The following CRTAC1 variants were observed in gnomAD, a reference collection of about 807,000 sequenced individuals.
CRTAC1 encodes acidic secreted protein in cartilage.
CRTAC1 carries 37 observed loss-of-function variants against 67.8 expected under a neutral mutation model. That is an observed-to-expected ratio of 0.55 (90% CI 0.42 to 0.72). CRTAC1 has a LOEUF of 0.72. Among genes scored for constraint, CRTAC1 ranks in the 30% least tolerant of loss-of-function variants. CRTAC1 has a pLI of 0.00. For missense variants in CRTAC1, 780 were observed against 931.6 expected (o/e 0.84, Z 2.12); for synonymous variants, 348 against 371.0 (o/e 0.94, Z 0.71).
chr10:97,934,486 G>GACCCTC (rs60934899), intron 3 of CRTAC1, among the ~76,000 whole-genome samples: 1 of 152,068 alleles, frequency 6.6e-6, no homozygotes, highest in African/African-American at 2.4e-5. Flanking sequence ...CCCTGCCCCT[G>GACCCTC]GCATAAGCCC....
chr10:97,960,485 G>A (rs995373933), intron 2 of CRTAC1, among the ~76,000 whole-genome samples: 2 of 152,160 alleles, frequency 1.3e-5, no homozygotes, highest in Non-Finnish European at 2.9e-5. Flanking sequence ...GTACACACAC[G>A]TGTGTATCTA....
intron 13 of CRTAC1, among the ~76,000 whole-genome samples, chr10:97,880,658 C>T (rs992342762): frequency 3.9e-5 from 6 of 152,126 alleles, no homozygotes; most frequent in East Asian, 1.9e-4. Context: ...TGGATGATTC[C>T]GAAAGTTCTA....
At chr10:97,959,077 C>A (rs963552875) in intron 2 of CRTAC1, among the ~76,000 whole-genome samples, 1 of 152,086 alleles carries the variant, frequency 6.6e-6, no homozygotes, top group Non-Finnish European at 1.5e-5. Context: ...CCAGCCTTTG[C>A]AGTTAGACCT....
At position 97,965,023 on chromosome 10, in the gene CRTAC1, C is replaced by T. The variant is rs7084682; in HGVS notation, c.225-28657G>A. Among the ~76,000 whole-genome samples the T allele has an allele frequency of 8.5e-3, 1,287 of 152,238 alleles. 18 individuals carry two copies. The highest frequency in any genetic ancestry group is 0.029 in the African/African-American group (1,186 of 41,548). Reference sequence around the variant, plus strand: ...TCTCTCTCTCCTTCTATTCAACATGCGCACAGATGAATTGGAAGGTGACGC... The same window carrying T: ...TCTCTCTCTCCTTCTATTCAACATGTGCACAGATGAATTGGAAGGTGACGC... On this transcript the variant is annotated intron_variant, in intron 2 of 14. Transcript: ENST00000370597.
chr10:97,890,697 C>T (rs1345641231), intron 11 of CRTAC1, among the ~76,000 whole-genome samples: 5 of 143,382 alleles, frequency 3.5e-5, no homozygotes, highest in South Asian at 2.2e-4. Context: ...GACGGAGTTT[C>T]GCTTTTGTTG....
chr10:97,929,553 T>G (rs1208992987), intron 3 of CRTAC1, among the ~76,000 whole-genome samples: 2 of 152,122 alleles, frequency 1.3e-5, no homozygotes, highest in Non-Finnish European at 2.9e-5. Flanking sequence ...GCCTCCAACC[T>G]CATTCATCAG....
intron 14 of CRTAC1, among the ~76,000 whole-genome samples, chr10:97,879,324 C>G (rs950493348): frequency 6.6e-6 from 1 of 152,140 alleles, no homozygotes. Flanking sequence ...TCGGATCAAC[C>G]GGCAAGCAAC....
At chr10:97,971,837 A>C (rs1197826844) in intron 2 of CRTAC1, among the ~76,000 whole-genome samples, 1 of 152,152 alleles carries the variant, frequency 6.6e-6, no homozygotes, top group East Asian at 1.9e-4. Context: ...TGAGGTGTAC[A>C]TTTATCTGTT....
chr10:97,904,663 T>G lies in CRTAC1; in HGVS notation c.996+6A>C. On this transcript the variant is annotated splice_donor_region_variant and intron_variant, in intron 7 of 14. Coordinates refer to ENST00000370597, the MANE Select transcript of CRTAC1 (RefSeq NM_018058.7). ...CTTGAACTCCTGGGGTGAGGCCCCT[T>G]CTTACCCGGAAGCGGACCTTCCCAT... is the stretch of plus-strand genomic sequence containing the variant. 1 of 1,532,542 alleles carries G rather than the reference T, an allele frequency of 6.5e-7. No individual in the cohort carries two copies. The highest frequency in any genetic ancestry group is 1.4e-5 in the African/African-American group (1 of 71,224). The allele number at this position is 1,532,542 out of a possible 1,614,324, so 94.9% of individuals were successfully genotyped here.
chr10:97,906,298 T>C (rs2050611208), intron 6 of CRTAC1, among the ~76,000 whole-genome samples: 2 of 152,212 alleles, frequency 1.3e-5, no homozygotes, highest in African/African-American at 4.8e-5. Context: ...CAAATGTCGG[T>C]GGCCTTCTGC....
intron 2 of CRTAC1, among the ~76,000 whole-genome samples, chr10:98,000,373 C>T (rs1294312349): frequency 2.6e-5 from 4 of 152,216 alleles, no homozygotes; most frequent in Non-Finnish European, 5.9e-5. Flanking sequence ...CCACGTTCCC[C>T]AGTGCCAGAC....
At chr10:98,005,985 C>T (rs1039973684) in intron 2 of CRTAC1, among the ~76,000 whole-genome samples, 6 of 152,186 alleles carry the variant, frequency 3.9e-5, no homozygotes, top group South Asian at 2.1e-4. Context: ...GAATGTGTTA[C>T]GGTTTTATCA....
chr10:97,955,888 G>A (rs1295948025), intron 2 of CRTAC1, among the ~76,000 whole-genome samples: 1 of 152,214 alleles, frequency 6.6e-6, no homozygotes, highest in Admixed American at 6.5e-5. Flanking sequence ...AACTTGCAAA[G>A]GTTGAACACC....
chr10:97,996,533 GAT>G (rs1246651738), intron 2 of CRTAC1, among the ~76,000 whole-genome samples: 1 of 152,102 alleles, frequency 6.6e-6, no homozygotes, highest in Non-Finnish European at 1.5e-5. Flanking sequence ...ACCACAATGA[GAT>G]ACCATCTCAC....
At chr10:97,881,517 T>C (rs1397737691) in intron 13 of CRTAC1, among the ~76,000 whole-genome samples, 5 of 152,222 alleles carry the variant, frequency 3.3e-5, no homozygotes, top group Non-Finnish European at 7.3e-5. Flanking sequence ...GATGCCCCTC[T>C]TGTGGAGGCG....
At chr10:97,900,269 T>C (rs989807579) in intron 8 of CRTAC1, among the ~76,000 whole-genome samples, 11 of 152,220 alleles carry the variant, frequency 7.2e-5, no homozygotes. Flanking sequence ...ATCCAGAATT[T>C]CCCAAAGGAT....
chr10:97,981,745 A>G (rs559335469), intron 2 of CRTAC1, among the ~76,000 whole-genome samples: 23 of 152,322 alleles, frequency 1.5e-4, no homozygotes, highest in Admixed American at 4.6e-4. Flanking sequence ...ACTCCCACTA[A>G]TAGTTTATGA....
At chr10:97,995,318 A>C (rs1842542313) in intron 2 of CRTAC1, among the ~76,000 whole-genome samples, 1 of 151,300 alleles carries the variant, frequency 6.6e-6, no homozygotes, top group Non-Finnish European at 1.5e-5. Context: ...ACACACACAC[A>C]CCCCTCCTCA....
intron 2 of CRTAC1, among the ~76,000 whole-genome samples, chr10:97,938,637 G>T (rs758650806): frequency 3.3e-5 from 5 of 152,102 alleles, no homozygotes; most frequent in African/African-American, 4.8e-5. Flanking sequence ...ACAAAGTAGT[G>T]CCCCTGAGAA....
Sources: allele counts gnomAD v4.1 joint callset (sites outside exome capture counted in the v4.1 genomes callset), GRCh38; gene constraint gnomAD v4.1.1; transcripts MANE v1.5; gene names NCBI Gene and HGNC (gene_info 2026-07-23, HGNC 2026-07-21).